Variants in CAAP1 observed in about 807,000 individuals in gnomAD.
CAAP1 encodes the protein caspase activity and apoptosis inhibitor 1.
In CAAP1, 20 loss-of-function variants were observed where a neutral mutation model predicts 34.0. The observed-to-expected ratio is 0.59, with a 90% CI of 0.41 to 0.86. The LOEUF is 0.86. Among genes scored for constraint, CAAP1 ranks in the 40% least tolerant of loss-of-function variants. The probability of loss-of-function intolerance (pLI) is 0.00; values close to 1 mark genes in which losing one functional copy is unlikely to be tolerated. For synonymous variants in CAAP1, 213 were observed against 166.7 expected, an observed-to-expected ratio of 1.28 and a Z score of -2.14; for missense variants, 538 against 450.5, an observed-to-expected ratio of 1.19 and a Z score of -1.76.
At chr9:26,856,364 T>C (rs1024081721) in intron 5 of CAAP1, among the ~76,000 whole-genome samples, 1 of 152,182 alleles carries the variant, frequency 6.6e-6, no homozygotes, top group African/African-American at 2.4e-5. Context: ...GATCAAAGAC[T>C]AAATCAAACA....
At chr9:26,880,356 G>A (rs984965774) in intron 4 of CAAP1, 6 of 294,460 alleles carry the variant, frequency 2.0e-5, no homozygotes, top group African/African-American at 1.4e-4. Flanking sequence ...GAAGGGAAGT[G>A]TGTGATTCAG....
At chr9:26,856,863 CT>C (rs1409148553) in intron 5 of CAAP1, among the ~76,000 whole-genome samples, 1 of 152,124 alleles carries the variant, frequency 6.6e-6, no homozygotes, top group Non-Finnish European at 1.5e-5. Context: ...TAAAATTTCT[CT>C]CATGAAAACT....
chr9:26,868,897 C>T (rs1823205085), intron 4 of CAAP1, among the ~76,000 whole-genome samples: 1 of 152,086 alleles, frequency 6.6e-6, no homozygotes, highest in Admixed American at 6.5e-5. Flanking sequence ...TCAGAGAAAC[C>T]ACATGTAAAA....
At chr9:26,892,311 G>T in intron 1 of CAAP1, 102 bp downstream of exon 1, 1 of 1,544,306 alleles carries the variant, frequency 6.5e-7, no homozygotes. Flanking sequence ...TGAGATTGCC[G>T]CGCTAGCAGT....
chr9:26,879,681 G>GT (rs1462788238), intron 4 of CAAP1, among the ~76,000 whole-genome samples: 1 of 152,208 alleles, frequency 6.6e-6, no homozygotes, highest in Non-Finnish European at 1.5e-5. Context: ...AGGAAAAGAT[G>GT]TAAGAGTAGA....
chr9:26,890,465 T>A (rs1007075565), intron 1 of CAAP1, among the ~76,000 whole-genome samples: 4 of 151,954 alleles, frequency 2.6e-5, no homozygotes, highest in African/African-American at 9.7e-5. Context: ...TAGATCTATA[T>A]TAAATAATTT....
chr9:26,891,782 A>G (rs951969483), intron 1 of CAAP1, among the ~76,000 whole-genome samples: 5 of 152,200 alleles, frequency 3.3e-5, no homozygotes, highest in Non-Finnish European at 5.9e-5. Flanking sequence ...CAAAATACTA[A>G]TGGAGGGGCA....
At chr9:26,843,344 G>A (rs1336332) in intron 5 of CAAP1, among the ~76,000 whole-genome samples, 7,688 of 152,066 alleles carry the variant, frequency 0.051, 266 homozygotes, top group South Asian at 0.14. Flanking sequence ...TATGGTTCTC[G>A]ACCACCTTGT....
chr9:26,842,195 G>A lies in CAAP1; in HGVS notation c.*106C>T, dbSNP rs1316374480. On this transcript the variant is annotated 3_prime_UTR_variant, in exon 6 of 6. Transcript: ENST00000333916. ...TAGGGCTAAAATGAGTCCTAATAAG[G>A]GTTACATGAGAAATAACATATAAGA... 3 of 856,162 alleles carry A rather than the reference G, an allele frequency of 3.5e-6. No homozygotes were observed. Among genetic ancestry groups the A allele is most frequent in the Admixed American group, 3.2e-5 (1 of 31,428 alleles). The allele number at this position is 856,162 out of a possible 1,614,324, so 53.0% of individuals were successfully genotyped here.
chr9:26,886,539 T>G (rs750465946), intron 2 of CAAP1, among the ~76,000 whole-genome samples: 9 of 152,334 alleles, frequency 5.9e-5, no homozygotes, highest in Middle Eastern at 3.4e-3. Context: ...GATCTCAGGC[T>G]TAACTTTAGT....
chr9:26,845,945 T>C (rs1453624237), intron 5 of CAAP1, among the ~76,000 whole-genome samples: 3 of 152,134 alleles, frequency 2.0e-5, no homozygotes, highest in Admixed American at 6.5e-5. Flanking sequence ...ATCTTTTTCT[T>C]TGATATAAAA....
intron 1 of CAAP1, among the ~76,000 whole-genome samples, chr9:26,891,063 A>G (rs533584521): frequency 1.6e-4 from 24 of 152,382 alleles, no homozygotes; most frequent in African/African-American, 4.8e-4. Context: ...ACTGTTCAAC[A>G]TCAACTAACT....
At chr9:26,870,586 ACG>A (rs1491291004) in intron 4 of CAAP1, among the ~76,000 whole-genome samples, 1 of 118,840 alleles carries the variant, frequency 8.4e-6, no homozygotes, top group Non-Finnish European at 1.7e-5. Context: ...ACACATATAT[ACG>A]TGTGTGTGTG....
chr9:26,845,901 G>A (rs1421375601), intron 5 of CAAP1, among the ~76,000 whole-genome samples: 2 of 151,742 alleles, frequency 1.3e-5, no homozygotes, highest in African/African-American at 4.8e-5. Context: ...TAGCTGGTTT[G>A]GTTTTTTTGA....
chr9:26,849,073 T>C (rs1365936342), intron 5 of CAAP1, among the ~76,000 whole-genome samples: 2 of 152,194 alleles, frequency 1.3e-5, no homozygotes, highest in African/African-American at 4.8e-5. Flanking sequence ...ATCAAGTCGG[T>C]AGGACTGAAG....
chr9:26,881,135 C>T (rs1441128665), intron 4 of CAAP1, among the ~76,000 whole-genome samples: 4 of 151,878 alleles, frequency 2.6e-5, no homozygotes, highest in African/African-American at 9.7e-5. Context: ...ACAGCAAGAC[C>T]CCATCTAATT....
At chr9:26,884,233 A>G (rs530636609) in intron 4 of CAAP1, among the ~76,000 whole-genome samples, 222 of 152,294 alleles carry the variant, frequency 1.5e-3, no homozygotes, top group Non-Finnish European at 2.1e-3. Flanking sequence ...TGAAACTTTG[A>G]AGTGCACTAA....
intron 3 of CAAP1, 92 bp from the exon 4 acceptor site, chr9:26,884,977 T>C: frequency 1.0e-6 from 1 of 992,744 alleles, no homozygotes. Flanking sequence ...TTAAAAGTGA[T>C]GCAGATTAAA....
At chr9:26,859,905 T>G (rs1007521305) in intron 5 of CAAP1, among the ~76,000 whole-genome samples, 2 of 152,238 alleles carry the variant, frequency 1.3e-5, no homozygotes, top group African/African-American at 2.4e-5. Context: ...TCTCTCTACA[T>G]ATAAATTGAA....
Sources: gnomAD v4.1 joint callset for allele counts (sites outside exome capture counted in the v4.1 genomes callset) on GRCh38, gnomAD v4.1.1 for gene constraint, MANE v1.5 for transcripts, NCBI Gene and HGNC (gene_info 2026-07-23, HGNC 2026-07-21) for gene names.